Variants in PDLIM7 observed in about 807,000 individuals in gnomAD.
PDLIM7 encodes PDZ and LIM domain protein 7.
PDLIM7 carries 37 observed loss-of-function variants against 53.9 expected under a neutral mutation model. The observed-to-expected ratio is 0.69, with a 90% CI of 0.53 to 0.90. PDLIM7 has a LOEUF of 0.90. PDLIM7 is among the 40% of genes least tolerant of loss of function. The pLI is 0.00. For synonymous variants in PDLIM7, 300 were observed against 261.3 expected, an observed-to-expected ratio of 1.15 and a Z score of -1.43; for missense variants, 617 against 638.5, an observed-to-expected ratio of 0.97 and a Z score of 0.36.
At position 177,490,997 on chromosome 5, in the gene PDLIM7, G is replaced by A. The variant is rs1410520028; in HGVS notation, c.535+13C>T. The A allele has an allele frequency of 1.2e-6, 2 of 1,613,816 alleles. No individual in the cohort carries two copies. Among genetic ancestry groups the A allele is most frequent in the Non-Finnish European group, 1.7e-6 (2 of 1,179,850 alleles). ...GGCGAGGAAAGTACCCCCTGCCCTG[G>A]GCTGGCACTTACTGAACTCGGTGCC... On this transcript the variant is annotated intron_variant, in intron 6 of 12. Transcript: ENST00000355841.
chr5:177,496,628 G>A, intron 1 of PDLIM7, 105 bp from the exon 2 acceptor site: 1 of 688,822 alleles, frequency 1.5e-6, no homozygotes, highest in Non-Finnish European at 2.3e-6. Flanking sequence ...AGGCAGGCAC[G>A]GGCAGCCCCT....
In PDLIM7 at chr5:177,491,778, TGGGCGCGGGCGGGCA is replaced by T. The variant is rs1485817462; in HGVS notation, c.398+14_398+28del. 16 of 1,082,064 alleles carry T rather than the reference TGGGCGCGGGCGGGCA, an allele frequency of 1.5e-5. No individual in the cohort carries two copies. The highest frequency in any genetic ancestry group is 1.9e-5 in the Non-Finnish European group (16 of 829,554). 67.0% of individuals were successfully genotyped at this position (1,082,064 alleles called of 1,614,324 possible). A position where few individuals can be genotyped will look rare whatever the true frequency, so the allele number is the denominator to read the frequency against. On this transcript the variant is annotated intron_variant, in intron 5 of 12. Transcript: ENST00000355841. Reference sequence around the variant, plus strand: ...TGGGGCCACAGTGGGCCTGATGGCGTGGGCGCGGGCGGGCAGGGGCCGACGTACCCATTCTGCTGC... The same window carrying T: ...TGGGGCCACAGTGGGCCTGATGGCGTGGGGCCGACGTACCCATTCTGCTGC...
chr5:177,484,302 T>C (rs1205414324), intron 10 of PDLIM7, 112 bp from the exon 11 acceptor site: 5 of 1,328,682 alleles, frequency 3.8e-6, no homozygotes, highest in African/African-American at 1.4e-5. Context: ...CGGTAAACAC[T>C]ACATCTAACT....
intron 2 of PDLIM7, chr5:177,493,053 C>A: frequency 4.4e-6 from 1 of 226,764 alleles, no homozygotes; most frequent in East Asian, 1.1e-4. Context: ...TTCAGGAGGA[C>A]CATTGCCTTT....
Position 177,492,508 on chromosome 5 carries a change from C to T in PDLIM7, c.248+18G>A, listed in dbSNP as rs1228835169. 6.2e-7 allele frequency: 1 copy of T among 1,613,748 alleles called. No homozygotes were observed. Among genetic ancestry groups the T allele is most frequent in the Non-Finnish European group, 8.5e-7 (1 of 1,179,836 alleles). On this transcript the variant is annotated intron_variant, in intron 3 of 12. Transcript: ENST00000355841. ...CCACTGCCAGCGCGGGCGCACCCAT[C>T]CATGTCCACCCGCATACCTGCTGAG...
At chr5:177,491,952 CGGGCGGGCAGGGT>C in intron 4 of PDLIM7, 27 bp from the exon 5 acceptor site, 1 of 99,472 alleles carries the variant, frequency 1.0e-5, no homozygotes, top group Non-Finnish European at 2.0e-5. Context: ...CCGGGCAGGG[CGGGCGGGCAGGGT>C]AAGGTGGGGG....
At chr5:177,486,169 T>C (rs925610772) in intron 10 of PDLIM7, among the ~76,000 whole-genome samples, 2 of 152,026 alleles carry the variant, frequency 1.3e-5, no homozygotes, top group African/African-American at 2.4e-5. Context: ...TCCTCCCACC[T>C]TGGCCTCCCA....
Position 177,483,862 on chromosome 5 carries a change from C to G in PDLIM7, c.1287+5G>C. 3 of 1,611,924 alleles carry G rather than the reference C, an allele frequency of 1.9e-6. No homozygotes were observed. The highest frequency in any genetic ancestry group is 2.5e-6 in the Non-Finnish European group (3 of 1,178,622). ...GGGGCTCAGTTCGAGGGGCGGGGCT[C>G]TCACCGCACAGACGAAGCAGGTGTC... On this transcript the variant is annotated splice_donor_5th_base_variant and intron_variant, in intron 12 of 12. Coordinates refer to ENST00000355841, the MANE Select transcript of PDLIM7 (RefSeq NM_005451.5).
chr5:177,486,465 A>G (rs1758444845), intron 10 of PDLIM7, among the ~76,000 whole-genome samples: 1 of 152,068 alleles, frequency 6.6e-6, no homozygotes, highest in Non-Finnish European at 1.5e-5. Flanking sequence ...GATCACAGAA[A>G]TAGGTTTTCT....
intron 10 of PDLIM7, among the ~76,000 whole-genome samples, chr5:177,486,269 C>T (rs1561699053): frequency 6.6e-6 from 1 of 152,108 alleles, no homozygotes; most frequent in Non-Finnish European, 1.5e-5. Context: ...TAAAATGAAA[C>T]AGTGTGGGCC....
Position 177,491,943 on chromosome 5 carries a change from C to T in PDLIM7, c.280-18G>A. The T allele has an allele frequency of 8.8e-6, 1 of 113,072 alleles. No homozygotes were observed. 7.0% of individuals were successfully genotyped at this position (113,072 alleles called of 1,614,324 possible). Reference sequence around the variant, plus strand: ...GCGGAGGCCTGGGCAGAGACACAGCCGGGCAGGGCGGGCGGGCAGGGTAAG... The same window carrying T: ...GCGGAGGCCTGGGCAGAGACACAGCTGGGCAGGGCGGGCGGGCAGGGTAAG... On this transcript the variant is annotated intron_variant, in intron 4 of 12. Transcript: ENST00000355841.
At position 177,492,539 on chromosome 5, in the gene PDLIM7, G is replaced by C; in HGVS notation, c.235C>G (p.Leu79Val). ...KIRACGERLS[L>V]GLSRAQPVQS... ...CCACCCGCATACCTGCTGAGGCCCA[G>C]GCTGAGGCGCTCCCCGCAGGCCCGG... Residue 79 changes from leucine (L) to valine (V), a missense_variant, in exon 3 of 13, where the codon CTG (leucine) becomes GTG (valine). By Grantham distance (32) the Leu-to-Val change is conservative. Coordinates refer to ENST00000355841, the MANE Select transcript of PDLIM7 (RefSeq NM_005451.5). The C allele has an allele frequency of 6.2e-7, 1 of 1,613,680 alleles. No individual in the cohort carries two copies. The highest frequency in any genetic ancestry group is 8.5e-7 in the Non-Finnish European group (1 of 1,179,676).
At position 177,494,367 on chromosome 5, in the gene PDLIM7, A is replaced by G. The variant is rs1034174541; in HGVS notation, c.97-1690T>C. On this transcript the variant is annotated intron_variant, in intron 2 of 12. Transcript: ENST00000355841. Reference sequence around the variant, plus strand: ...CACTCCCTCACCTTTAGTTCAATCCAACTAAATCAACCCCTTATACTGTGT... The same window carrying G: ...CACTCCCTCACCTTTAGTTCAATCCGACTAAATCAACCCCTTATACTGTGT... 7.2e-5 allele frequency among the ~76,000 whole-genome samples: 11 copies of G among 152,286 alleles called. No homozygotes were observed. In the East Asian group the frequency reaches 1.9e-3, roughly 27 times the overall value.
At position 177,490,864 on chromosome 5, in the gene PDLIM7, C is replaced by T; in HGVS notation, c.572+6G>A. On this transcript the variant is annotated splice_donor_region_variant and intron_variant, in intron 7 of 12. Coordinates refer to ENST00000355841, the MANE Select transcript of PDLIM7 (RefSeq NM_005451.5). The stretch of plus-strand genomic sequence containing the variant: ...GTGGGAGAGGGGCTGGTGCCCGTCC[C>T]TGTACCTTGATTTCTTCAGGTGCTC... 6.2e-7 allele frequency: 1 copy of T among 1,614,024 alleles called. No individual in the cohort carries two copies.
rs1394208906 is a variant in PDLIM7, at chr5:177,489,526, G to A, written c.736C>T (p.His246Tyr). The change falls in exon 9 of 13, where the codon CAC (histidine) becomes TAC (tyrosine). Residue 246 changes from histidine to tyrosine, a missense_variant. Coordinates refer to ENST00000355841, the MANE Select transcript of PDLIM7 (RefSeq NM_005451.5). ...PDKTSTVLTR[H>Y]SQPATPTPLQ... is the part of the protein sequence containing the mutation. ...GGCGTGGGCGTGGCCGGCTGGCTGT[G>A]CCGGGTCAGCACTGTGCTCGTTTTG... 9 of 1,609,710 alleles carry A rather than the reference G, an allele frequency of 5.6e-6. No homozygotes were observed. The highest frequency in any genetic ancestry group is 7.6e-6 in the Non-Finnish European group (9 of 1,178,818).
chr5:177,489,855 C>A, intron 7 of PDLIM7, 23 bp from the exon 8 acceptor site: 1 of 1,572,896 alleles, frequency 6.4e-7, no homozygotes. Flanking sequence ...CCATTCAAGG[C>A]CCTGCATGGC....
At position 177,491,066 on chromosome 5, in the gene PDLIM7, C is replaced by T; in HGVS notation, c.479G>A (p.Gly160Glu). Residue 160 changes from glycine (G) to glutamate (E), a missense_variant, in exon 6 of 13, where the codon GGG becomes GAG. Physicochemically the swap from Gly to Glu is moderately conservative, Grantham distance 98. Coordinates refer to ENST00000355841, the MANE Select transcript of PDLIM7 (RefSeq NM_005451.5). ...ENTEDWRPRP[G>E]TGQSRSFRIL... ...GCGGAAGGAACGCGACTGGCCTGTC[C>T]CCGGCCGCGGCCGCCAGTCCTCTGT... 6.2e-7 allele frequency: 1 copy of T among 1,611,270 alleles called. No homozygotes were observed. Among genetic ancestry groups the T allele is most frequent in the South Asian group, 1.1e-5 (1 of 90,774 alleles).
Position 177,489,510 on chromosome 5 carries a change from G to A in PDLIM7, c.752C>T (p.Thr251Met), listed in dbSNP as rs778456560. The A allele has an allele frequency of 5.8e-5, 93 of 1,608,808 alleles. No individual in the cohort carries two copies. The highest frequency in any genetic ancestry group is 1.6e-4 in the Middle Eastern group (1 of 6,076). The change falls in exon 9 of 13, where the codon ACG becomes ATG. Residue 251 changes from threonine (T) to methionine (M), a missense_variant. Thr to Met is a moderately conservative substitution (Grantham distance 81). Coordinates refer to ENST00000355841, the MANE Select transcript of PDLIM7 (RefSeq NM_005451.5). The stretch of plus-strand genomic sequence containing the variant: ...GGTGCGGCTCTGCAGCGGCGTGGGC[G>A]TGGCCGGCTGGCTGTGCCGGGTCAG... ...TVLTRHSQPA[T>M]PTPLQSRTSI...
chr5:177,492,711 G>A (rs1483724800), intron 2 of PDLIM7, 34 bp from the exon 3 acceptor site: 1 of 1,589,346 alleles, frequency 6.3e-7, no homozygotes, highest in East Asian at 2.2e-5. Flanking sequence ...CCGAGGCCCT[G>A]GACCCTGCAG....
Sources: allele counts gnomAD v4.1 joint callset (sites outside exome capture counted in the v4.1 genomes callset), GRCh38; gene constraint gnomAD v4.1.1; transcripts MANE v1.5; gene names NCBI Gene and HGNC (gene_info 2026-07-23, HGNC 2026-07-21).